The following GATA2 variants were observed in gnomAD, a reference collection of about 807,000 sequenced individuals.
GATA2 encodes endothelial transcription factor GATA-2.
A neutral mutation model predicts 35.7 loss-of-function variants in GATA2; 6 were observed. The observed-to-expected ratio is 0.17, with a 90% CI of 0.09 to 0.33. GATA2 has a LOEUF of 0.33. Ranked by LOEUF, GATA2 falls within the 10% of genes least tolerant of loss-of-function variation. The pLI is 1.00. For missense variants in GATA2, 541 were observed against 656.6 expected, an observed-to-expected ratio of 0.82 and a Z score of 1.92; for synonymous variants, 313 against 274.9, an observed-to-expected ratio of 1.14 and a Z score of -1.37.
At chr3:128,486,495 C>T in intron 2 of GATA2, 127 bp from the exon 3 acceptor site, 1 of 1,206,794 alleles carries the variant, frequency 8.3e-7, no homozygotes, top group Non-Finnish European at 1.2e-6. Flanking sequence ...CCAAAGAAAG[C>T]CAGAAACATA....
intron 1 of GATA2, among the ~76,000 whole-genome samples, chr3:128,491,108 A>G (rs2068762154): frequency 6.6e-6 from 1 of 151,680 alleles, no homozygotes; most frequent in Admixed American, 6.6e-5. Flanking sequence ...CTGGGGAGGT[A>G]GCAGATCTGG....
intron 4 of GATA2, among the ~76,000 whole-genome samples, chr3:128,482,319 G>A (rs1303788369): frequency 1.3e-5 from 2 of 152,178 alleles, no homozygotes; most frequent in Admixed American, 6.5e-5. Context: ...GGTCCCCCTC[G>A]AGCCCCTGGA....
rs937505737 is a variant in GATA2 at position 128,486,386 on chromosome 3, G to A, written c.230-18C>T. On this transcript the variant is annotated intron_variant, in intron 2 of 5. Transcript: ENST00000341105. ...CAGGCGGGCTGCGGGCAAAGAGAGA[G>A]AGGATCAGGGTGGGCAGAAAGATCA... 3.1e-6 allele frequency: 5 copies of A among 1,593,240 alleles called. No individual in the cohort carries two copies. Among genetic ancestry groups the A allele is most frequent in the Non-Finnish European group, 4.2e-6 (5 of 1,176,804 alleles).
In GATA2 at chr3:128,486,950, C is replaced by T; in HGVS notation, c.82G>A (p.Gly28Ser). 3 of 1,612,760 alleles carry T rather than the reference C, an allele frequency of 1.9e-6. No individual in the cohort carries two copies. The highest frequency in any genetic ancestry group is 1.1e-5 in the South Asian group (1 of 90,846). ...GGTTCCATGTAGTTGTGCGCCAGGC[C>T]CGGGTGGTGTGAGTCGGGGTGCTGC... ...NAQHPDSHHP[G>S]LAHNYMEPAQ... The change falls in exon 2 of 6, where the codon GGC becomes AGC. Residue 28 changes from glycine to serine, a missense_variant. Physicochemically the swap from Gly to Ser is moderately conservative, Grantham distance 56 (BLOSUM62 0). Transcript: ENST00000341105.
intron 4 of GATA2, 89 bp downstream of exon 4, chr3:128,483,771 G>T (rs986855864): frequency 3.3e-6 from 5 of 1,529,942 alleles, no homozygotes; most frequent in Non-Finnish European, 3.6e-6. Context: ...GCGGCAAAGC[G>T]TCTGCATTTG....
In GATA2 at chr3:128,480,538, G is replaced by C; in HGVS notation, c.*481C>G. Reference sequence around the variant, plus strand: ...GCTATTTCAGAGAGGGAAGCCAGAGGAGAAGAGGGTGCAGGCTGAGGTCCC... The same window carrying C: ...GCTATTTCAGAGAGGGAAGCCAGAGCAGAAGAGGGTGCAGGCTGAGGTCCC... On this transcript the variant is annotated 3_prime_UTR_variant, in exon 6 of 6. Transcript: ENST00000341105. The C allele has an allele frequency of 4.0e-6, 1 of 252,654 alleles. No homozygotes were observed. Among genetic ancestry groups the C allele is most frequent in the Non-Finnish European group, 7.6e-6 (1 of 130,998 alleles). 15.7% of individuals were successfully genotyped at this position (252,654 alleles called of 1,614,324 possible).
At chr3:128,489,425 G>A (rs1408794875) in intron 1 of GATA2, 1 of 152,314 alleles carries the variant, frequency 6.6e-6, no homozygotes, top group Non-Finnish European at 1.5e-5. Context: ...GGTAAAGCGC[G>A]GGGCTGGGGG....
rs2068687375 is a variant in GATA2, at chr3:128,485,818, G to A, written c.780C>T (p.Tyr260=). The A allele has an allele frequency of 3.1e-6, 5 of 1,613,856 alleles. No homozygotes were observed. Among genetic ancestry groups the A allele is most frequent in the African/African-American group, 1.3e-5 (1 of 74,942 alleles). ...CTCCGGGGTGGAAGAGTCCGCTGCTGTAGTCGTGGGCAGCCGCCGGCACAT... is the reference window on the plus strand; with the variant it reads ...CTCCGGGGTGGAAGAGTCCGCTGCTATAGTCGTGGGCAGCCGCCGGCACAT... ...PSYVPAAAHD[Y]SSGLFHPGGF... The change falls in exon 3 of 6, where the codon TAC becomes TAT. Residue 260 remains tyrosine, a synonymous_variant. Transcript: ENST00000341105.
At position 128,486,017 on chromosome 3, in the gene GATA2, G is replaced by A. The variant is rs768238077; in HGVS notation, c.581C>T (p.Ala194Val). The change falls in exon 3 of 6, where the codon GCC (alanine) becomes GTC (valine). Residue 194 changes from alanine (A) to valine (V), a missense_variant. Physicochemically the swap from Ala to Val is moderately conservative, Grantham distance 64 (BLOSUM62 0). Transcript: ENST00000341105. ...DPSTTGAASP[A>V]SSSAGGSAAR... ...TGCACTACCCCCCGCGGAAGATGAG[G>A]CTGGAGACGCAGCCCCCGTGGTGCT... The A allele has an allele frequency of 1.9e-6, 3 of 1,614,174 alleles. No homozygotes were observed. The South Asian group carries it at 3.3e-5, about 18-fold the overall frequency.
At chr3:128,491,211 C>CCA (rs1559990031) in intron 1 of GATA2, among the ~76,000 whole-genome samples, 4 of 18,416 alleles carry the variant, frequency 2.2e-4, no homozygotes, top group African/African-American at 4.6e-4. Context: ...CCGTCCAGCC[C>CCA]CCCCCCCCCT....
At position 128,479,671 on chromosome 3, in the gene GATA2, G is replaced by C. The variant is rs182456056; in HGVS notation, c.*1348C>G. On this transcript the variant is annotated 3_prime_UTR_variant, in exon 6 of 6. Transcript: ENST00000341105. Reference sequence around the variant, plus strand: ...GTGGTGCTCCCTGCAGCGACTGCCCGCCCATATTGCACTTGGTCACTACAT... The same window carrying C: ...GTGGTGCTCCCTGCAGCGACTGCCCCCCCATATTGCACTTGGTCACTACAT... The C allele has an allele frequency of 2.1e-5, 5 of 233,458 alleles. No individual in the cohort carries two copies. The highest frequency in any genetic ancestry group is 1.1e-4 in the Admixed American group (2 of 17,782). The allele number at this position is 233,458 out of a possible 1,614,324, so 14.5% of individuals were successfully genotyped here. A position where few individuals can be genotyped will look rare whatever the true frequency, so the allele number is the denominator to read the frequency against.
At chr3:128,489,255 C>T (rs1401228404) in intron 1 of GATA2, 1 of 152,244 alleles carries the variant, frequency 6.6e-6, no homozygotes, top group Non-Finnish European at 1.5e-5. Context: ...TCGGTCCCCT[C>T]GGCTCCGGGG....
chr3:128,483,200 T>TTTGCAGAG (rs1302664907), intron 4 of GATA2, among the ~76,000 whole-genome samples: 1 of 152,230 alleles, frequency 6.6e-6, no homozygotes, highest in African/African-American at 2.4e-5. Context: ...TTACGCATTA[T>TTTGCAGAG]TTGCAGAGTG....
At chr3:128,489,624 C>G (rs1205102583) in intron 1 of GATA2, 1 of 152,024 alleles carries the variant, frequency 6.6e-6, no homozygotes. Flanking sequence ...GGCGGGAGGC[C>G]GAGCGCGAGG....
At chr3:128,491,208 G>GCCCC in intron 1 of GATA2, among the ~76,000 whole-genome samples, 2 of 107,460 alleles carry the variant, frequency 1.9e-5, no homozygotes, top group African/African-American at 4.1e-5. Context: ...CGGCCGTCCA[G>GCCCC]CCCCCCCCCC....
rs761237564 is a variant in GATA2 at position 128,486,024 on chromosome 3, A to G, written c.574T>C (p.Ser192Pro). Reference protein sequence around the residue: ...SPDPSTTGAASPASSSAGGSA... With the variant: ...SPDPSTTGAAPPASSSAGGSA... Reference sequence around the variant, plus strand: ...CCCCCCGCGGAAGATGAGGCTGGAGACGCAGCCCCCGTGGTGCTAGGGTCA... The same window carrying G: ...CCCCCCGCGGAAGATGAGGCTGGAGGCGCAGCCCCCGTGGTGCTAGGGTCA... Residue 192 changes from serine (S) to proline (P), a missense_variant, in exon 3 of 6, where the codon TCT becomes CCT. Coordinates refer to ENST00000341105, the MANE Select transcript of GATA2 (RefSeq NM_032638.5). The G allele has an allele frequency of 6.2e-7, 1 of 1,614,056 alleles. No individual in the cohort carries two copies. The highest frequency in any genetic ancestry group is 1.1e-5 in the South Asian group (1 of 91,078).
intron 3 of GATA2, 103 bp downstream of exon 3, chr3:128,485,624 A>C: frequency 7.2e-7 from 1 of 1,394,818 alleles, no homozygotes; most frequent in Non-Finnish European, 9.8e-7. Context: ...ACCCATCCCC[A>C]GATCTGGGAA....
At chr3:128,486,490 G>A (rs1035710366) in intron 2 of GATA2, 122 bp from the exon 3 acceptor site, 2 of 1,243,990 alleles carry the variant, frequency 1.6e-6, no homozygotes, top group Non-Finnish European at 2.2e-6. Context: ...CCTCCCCAAA[G>A]AAAGCCAGAA....
chr3:128,482,127 A>G, intron 4 of GATA2, 183 bp from the exon 5 acceptor site: 1 of 765,056 alleles, frequency 1.3e-6, no homozygotes, highest in Non-Finnish European at 2.1e-6. Context: ...GTCAAGACTC[A>G]CAGAACTTTG....
Sources: allele counts gnomAD v4.1 joint callset (sites outside exome capture counted in the v4.1 genomes callset), GRCh38; gene constraint gnomAD v4.1.1; transcripts MANE v1.5; gene names NCBI Gene and HGNC (gene_info 2026-07-23, HGNC 2026-07-21).